FAM174B: variants seen among roughly 807,000 people sequenced by gnomAD.
The protein encoded by FAM174B is membrane protein FAM174B.
FAM174B carries 12 observed loss-of-function variants against 10.9 expected under a neutral mutation model. That is an observed-to-expected ratio of 1.10 (90% CI 0.71 to 1.79). The LOEUF (loss-of-function observed/expected upper bound fraction) is 1.79, where lower values mean the gene tolerates loss of function less well. FAM174B is among the 40% of genes most tolerant of loss of function. The pLI, the probability that FAM174B is intolerant of heterozygous loss-of-function variation, is 0.00. For missense variants in FAM174B, 266 were observed against 233.3 expected, an observed-to-expected ratio of 1.14 and a Z score of -0.91; for synonymous variants, 132 against 115.8, an observed-to-expected ratio of 1.14 and a Z score of -0.90.
intron 1 of FAM174B, among the ~76,000 whole-genome samples, chr15:92,650,658 A>C (rs2050960369): frequency 6.6e-6 from 1 of 152,202 alleles, no homozygotes; most frequent in Non-Finnish European, 1.5e-5. Context: ...GTTCTGAGTG[A>C]ATGTAGGGGG....
chr15:92,640,849 T>C (rs540292087), intron 1 of FAM174B, among the ~76,000 whole-genome samples: 108 of 152,130 alleles, frequency 7.1e-4, no homozygotes, highest in African/African-American at 2.4e-3. Context: ...TTCACCATGT[T>C]GGCTAGGCTG....
chr15:92,631,418 A>AT lies in FAM174B; in HGVS notation c.345-1074dup, dbSNP rs1372989810. On this transcript the variant is annotated intron_variant, in intron 1 of 2. Transcript: ENST00000327355. ...TATTATATTATATTATATATAATAT[A>AT]TAATATATAATATAATATATTATAT... Among the ~76,000 whole-genome samples, 49 of 56,520 alleles carry AT rather than the reference A, an allele frequency of 8.7e-4. 2 individuals carry two copies. Among genetic ancestry groups the AT allele is most frequent in the Admixed American group, 1.8e-3 (6 of 3,358 alleles). The allele number at this position is 56,520 out of a possible 152,430, so 37.1% of individuals were successfully genotyped here.
chr15:92,642,656 C>T (rs1279272870), intron 1 of FAM174B, among the ~76,000 whole-genome samples: 1 of 152,184 alleles, frequency 6.6e-6, no homozygotes, highest in Non-Finnish European at 1.5e-5. Context: ...TCCTCTTCCG[C>T]CATGATTATA....
chr15:92,649,633 A>G (rs1242136425), intron 1 of FAM174B, among the ~76,000 whole-genome samples: 1 of 152,244 alleles, frequency 6.6e-6, no homozygotes, highest in Non-Finnish European at 1.5e-5. Flanking sequence ...AATGGTGCCC[A>G]GAAAGGTTCA....
intron 2 of FAM174B, 143 bp downstream of exon 2, chr15:92,630,071 G>A: frequency 1.5e-6 from 1 of 673,580 alleles, no homozygotes; most frequent in South Asian, 2.0e-5. Context: ...CACAAGATCA[G>A]AGCAGGTCTC....
intron 1 of FAM174B, among the ~76,000 whole-genome samples, chr15:92,635,264 G>A (rs971923097): frequency 5.9e-5 from 9 of 152,010 alleles, no homozygotes; most frequent in African/African-American, 2.2e-4. Context: ...CCTCATGTAT[G>A]CTTCAAATGC....
intron 1 of FAM174B, among the ~76,000 whole-genome samples, chr15:92,654,449 G>C (rs2050987282): frequency 6.6e-6 from 1 of 152,230 alleles, no homozygotes; most frequent in South Asian, 2.1e-4. Flanking sequence ...TAAAGGAAAT[G>C]TCCTTGCATT....
chr15:92,631,311 TATATA>T lies in FAM174B; in HGVS notation c.345-971_345-967del, dbSNP rs1170927938. 5.7e-3 allele frequency among the ~76,000 whole-genome samples: 15 copies of T among 2,610 alleles called. 1 individual carries two copies. Among genetic ancestry groups the T allele is most frequent in the Non-Finnish European group, 0.011 (14 of 1,314 alleles). 1.7% of individuals were successfully genotyped at this position (2,610 alleles called of 152,430 possible). On this transcript the variant is annotated intron_variant, in intron 1 of 2. Transcript: ENST00000327355. ...ATTATATATTATATATAATATATTA[TATATA>T]ATATTATATATAATATATTATATAT...
chr15:92,638,802 G>C (rs1299564303), intron 1 of FAM174B, among the ~76,000 whole-genome samples: 1 of 152,152 alleles, frequency 6.6e-6, no homozygotes, highest in Non-Finnish European at 1.5e-5. Context: ...AACCAGGCTG[G>C]GTTTTCTCCT....
At position 92,617,725 on chromosome 15, in the gene FAM174B, C is replaced by T; in HGVS notation, c.*1731G>A. On this transcript the variant is annotated 3_prime_UTR_variant, in exon 3 of 3. Transcript: ENST00000327355. Reference sequence around the variant, plus strand: ...AGGCTCCCGTGAGTCACCACTCAGGCCTGAGTACACCGTGGAGAGGAGAGA... The same window carrying T: ...AGGCTCCCGTGAGTCACCACTCAGGTCTGAGTACACCGTGGAGAGGAGAGA... The T allele has an allele frequency of 1.5e-6, 1 of 664,206 alleles. No individual in the cohort carries two copies. The highest frequency in any genetic ancestry group is 2.7e-6 in the Non-Finnish European group (1 of 370,124). 41.1% of individuals were successfully genotyped at this position (664,206 alleles called of 1,614,324 possible).
chr15:92,631,674 A>AT (rs900185976), intron 1 of FAM174B, among the ~76,000 whole-genome samples: 3 of 144,812 alleles, frequency 2.1e-5, no homozygotes, highest in African/African-American at 5.1e-5. Context: ...TTTTTTTTGT[A>AT]TTTTTTGTAG....
intron 1 of FAM174B, among the ~76,000 whole-genome samples, chr15:92,645,840 G>A (rs946302007): frequency 6.6e-6 from 1 of 152,122 alleles, no homozygotes; most frequent in African/African-American, 2.4e-5. Context: ...CACCCAGGTA[G>A]GGGAGGGTGG....
intron 1 of FAM174B, among the ~76,000 whole-genome samples, chr15:92,643,503 A>G (rs1209646251): frequency 1.3e-5 from 2 of 152,214 alleles, no homozygotes; most frequent in African/African-American, 4.8e-5. Context: ...ACTTTTTGCT[A>G]TATGCTCTTT....
intron 2 of FAM174B, among the ~76,000 whole-genome samples, chr15:92,628,702 A>G (rs2050770726): frequency 6.6e-6 from 1 of 152,120 alleles, no homozygotes; most frequent in Non-Finnish European, 1.5e-5. Flanking sequence ...CAGGTTCTTT[A>G]TAAGATTTAG....
chr15:92,626,408 T>G (rs1042226159), intron 2 of FAM174B, among the ~76,000 whole-genome samples: 3 of 152,166 alleles, frequency 2.0e-5, no homozygotes, highest in Non-Finnish European at 4.4e-5. Context: ...GTTGCTGGAT[T>G]TTTTTTAAAA....
chr15:92,633,563 C>CA lies in FAM174B; in HGVS notation c.345-3219dup, dbSNP rs139688746. ...TGCTTTCATCACCGGTATACACACA[C>CA]ACGCACACACACGGACACACAGGCA... On this transcript the variant is annotated intron_variant, in intron 1 of 2. Transcript: ENST00000327355. Among the ~76,000 whole-genome samples the CA allele has an allele frequency of 9.1e-3, 1,379 of 152,250 alleles. 12 individuals carry two copies. Among genetic ancestry groups the CA allele is most frequent in the African/African-American group, 0.031 (1,304 of 41,540 alleles).
At chr15:92,625,854 G>T (rs1477839616) in intron 2 of FAM174B, among the ~76,000 whole-genome samples, 2 of 152,176 alleles carry the variant, frequency 1.3e-5, no homozygotes, top group South Asian at 4.1e-4. Context: ...TAGGCCTGAG[G>T]ACTGCAGTGG....
intron 1 of FAM174B, among the ~76,000 whole-genome samples, chr15:92,644,624 A>AC (rs2050913807): frequency 6.6e-6 from 1 of 152,094 alleles, no homozygotes; most frequent in Admixed American, 6.6e-5. Context: ...GCACCCAGTC[A>AC]CCAGTCAAGC....
chr15:92,643,167 C>T (rs558286411), intron 1 of FAM174B, among the ~76,000 whole-genome samples: 3 of 150,770 alleles, frequency 2.0e-5, no homozygotes, highest in Non-Finnish European at 4.4e-5. Flanking sequence ...TGGGGTCTGG[C>T]TATGTTGACC....
Sources: allele counts gnomAD v4.1 joint callset (sites outside exome capture counted in the v4.1 genomes callset), GRCh38; gene constraint gnomAD v4.1.1; transcripts MANE v1.5; gene names NCBI Gene and HGNC (gene_info 2026-07-23, HGNC 2026-07-21).